Variants in FMNL2 observed in about 807,000 individuals in gnomAD.
FMNL2 encodes formin like 2, also known as formin-like protein 2.
In FMNL2, 51 loss-of-function variants were observed where a neutral mutation model predicts 130.2. The observed-to-expected ratio is 0.39, with a 90% CI of 0.31 to 0.49. The LOEUF is 0.49. Ranked by LOEUF, FMNL2 falls within the 20% of genes least tolerant of loss-of-function variation. The probability of loss-of-function intolerance (pLI) is 0.85; values close to 1 mark genes in which losing one functional copy is unlikely to be tolerated. For synonymous variants in FMNL2, 465 were observed against 467.1 expected, an observed-to-expected ratio of 1.00 and a Z score of 0.06; for missense variants, 977 against 1,316.2, an observed-to-expected ratio of 0.74 and a Z score of 3.99.
chr2:152,523,934 G>C (rs1336573795), intron 2 of FMNL2, among the ~76,000 whole-genome samples: 1 of 152,160 alleles, frequency 6.6e-6, no homozygotes, highest in African/African-American at 2.4e-5. Flanking sequence ...ACAGTGGAGA[G>C]GAAGCTTGCA....
rs778481687 is a variant in FMNL2, at chr2:152,607,411, A to G, written c.949A>G (p.Met317Val). The change falls in exon 10 of 26, where the codon ATG becomes GTG. Residue 317 changes from methionine (M) to valine (V), a missense_variant and splice_region_variant. Met to Val is a conservative substitution (Grantham distance 21). Transcript: ENST00000288670. ...FRNEDNNIDFMVASMQFINIV... is the reference protein window; with the variant it reads ...FRNEDNNIDFVVASMQFINIV... ...GAATGAAGACAATAACATAGATTTTATGGTGAGTTATTTCAGTATTCAATA... is the reference window on the plus strand; with the variant it reads ...GAATGAAGACAATAACATAGATTTTGTGGTGAGTTATTTCAGTATTCAATA... The G allele has an allele frequency of 3.1e-6, 5 of 1,610,424 alleles. No homozygotes were observed. The highest frequency in any genetic ancestry group is 1.3e-5 in the African/African-American group (1 of 74,782).
At chr2:152,534,981 G>A (rs1253227666) in intron 2 of FMNL2, among the ~76,000 whole-genome samples, 1 of 152,156 alleles carries the variant, frequency 6.6e-6, no homozygotes, top group Non-Finnish European at 1.5e-5. Flanking sequence ...TATGGCTGTG[G>A]AATGAATCTG....
chr2:152,368,787 A>G (rs1232438593), intron 1 of FMNL2, among the ~76,000 whole-genome samples: 1 of 152,166 alleles, frequency 6.6e-6, no homozygotes, highest in Non-Finnish European at 1.5e-5. Flanking sequence ...CTGCTTTACA[A>G]ATGTTTTGGT....
chr2:152,523,128 G>A (rs1693191302), intron 2 of FMNL2, among the ~76,000 whole-genome samples: 1 of 152,114 alleles, frequency 6.6e-6, no homozygotes, highest in Non-Finnish European at 1.5e-5. Flanking sequence ...CATGTTAACA[G>A]GAAAGGTACA....
At chr2:152,432,817 G>T (rs957104366) in intron 1 of FMNL2, among the ~76,000 whole-genome samples, 2 of 152,208 alleles carry the variant, frequency 1.3e-5, no homozygotes, top group African/African-American at 4.8e-5. Context: ...TGCAGTGTAG[G>T]ATAATACAGG....
intron 1 of FMNL2, among the ~76,000 whole-genome samples, chr2:152,344,439 A>C (rs1681994208): frequency 6.6e-6 from 1 of 152,258 alleles, no homozygotes; most frequent in Non-Finnish European, 1.5e-5. Context: ...AATTTTGGAT[A>C]GATTAGGCAA....
intron 1 of FMNL2, among the ~76,000 whole-genome samples, chr2:152,408,876 T>C (rs749277506): frequency 9.2e-5 from 14 of 152,216 alleles, no homozygotes; most frequent in Non-Finnish European, 1.6e-4. Flanking sequence ...TTTTGCACCA[T>C]TGTAAAATTG....
intron 1 of FMNL2, among the ~76,000 whole-genome samples, chr2:152,403,841 G>A (rs888074023): frequency 5.3e-5 from 8 of 152,196 alleles, no homozygotes; most frequent in African/African-American, 1.9e-4. Flanking sequence ...ATGCCAAGGT[G>A]GGTAGATCAT....
chr2:152,524,617 A>G (rs1343374827), intron 2 of FMNL2, among the ~76,000 whole-genome samples: 2 of 152,210 alleles, frequency 1.3e-5, no homozygotes, highest in Non-Finnish European at 2.9e-5. Flanking sequence ...TTTCTTTGAT[A>G]ACTGCAAATA....
chr2:152,476,861 G>A (rs1232619943), intron 1 of FMNL2, among the ~76,000 whole-genome samples: 2 of 152,016 alleles, frequency 1.3e-5, no homozygotes, highest in Admixed American at 6.6e-5. Context: ...TTTCTCAGAT[G>A]TGCAGTTCTC....
intron 1 of FMNL2, among the ~76,000 whole-genome samples, chr2:152,468,059 A>AAGGCAAATG (rs1689650276): frequency 1.3e-5 from 2 of 152,232 alleles, no homozygotes; most frequent in Admixed American, 1.3e-4. Context: ...CTAAGTTGCT[A>AAGGCAAATG]AGGCAAATGA....
intron 2 of FMNL2, among the ~76,000 whole-genome samples, chr2:152,528,045 C>A (rs958664316): frequency 6.6e-6 from 1 of 152,074 alleles, no homozygotes; most frequent in Non-Finnish European, 1.5e-5. Flanking sequence ...ATTTTCAAAT[C>A]AATTTTCATT....
intron 21 of FMNL2, among the ~76,000 whole-genome samples, chr2:152,633,809 A>G (rs1682354938): frequency 6.6e-6 from 1 of 152,192 alleles, no homozygotes; most frequent in Non-Finnish European, 1.5e-5. Context: ...GTTTGGTCCA[A>G]ATGGTGTCAT....
At chr2:152,607,208 G>A in intron 9 of FMNL2, 131 bp from the exon 10 acceptor site, 1 of 716,032 alleles carries the variant, frequency 1.4e-6, no homozygotes, top group Non-Finnish European at 2.4e-6. Flanking sequence ...AGCTTAGAAG[G>A]GAAGTAAATA....
chr2:152,547,934 G>C (rs1407423876), intron 3 of FMNL2, among the ~76,000 whole-genome samples: 3 of 152,154 alleles, frequency 2.0e-5, no homozygotes, highest in Non-Finnish European at 2.9e-5. Context: ...TTATATTTCT[G>C]TAGGAAAATG....
chr2:152,620,301 T>C (rs1408182135), intron 15 of FMNL2, among the ~76,000 whole-genome samples: 1 of 152,162 alleles, frequency 6.6e-6, no homozygotes, highest in Non-Finnish European at 1.5e-5. Flanking sequence ...CTTAAAATGC[T>C]GCCAAATAAT....
chr2:152,412,374 A>T (rs1333961067), intron 1 of FMNL2, among the ~76,000 whole-genome samples: 2 of 149,144 alleles, frequency 1.3e-5, no homozygotes, highest in Non-Finnish European at 3.0e-5. Flanking sequence ...AATGCCGTTT[A>T]GAGGGAATAT....
rs1008207692 is a variant in FMNL2, at chr2:152,592,117, A to G, written c.876+11068A>G. ...ACTTCGTCTCAAAAAAAAAGAAAAG[A>G]TAACTCATGATTTCCGTGCCACAGA... On this transcript the variant is annotated intron_variant, in intron 9 of 25. Coordinates refer to ENST00000288670, the MANE Select transcript of FMNL2 (RefSeq NM_052905.4). 1.3e-5 allele frequency among the ~76,000 whole-genome samples: 2 copies of G among 152,174 alleles called. 1 individual carries two copies. Among genetic ancestry groups the G allele is most frequent in the East Asian group, 3.9e-4 (2 of 5,186 alleles).
chr2:152,584,040 G>A (rs1295246383), intron 9 of FMNL2, among the ~76,000 whole-genome samples: 1 of 152,102 alleles, frequency 6.6e-6, no homozygotes, highest in African/African-American at 2.4e-5. Context: ...ATTCTGTGTT[G>A]ATCTTGCTTT....
Sources: allele counts gnomAD v4.1 joint callset (sites outside exome capture counted in the v4.1 genomes callset), GRCh38; gene constraint gnomAD v4.1.1; transcripts MANE v1.5; gene names NCBI Gene and HGNC (gene_info 2026-07-23, HGNC 2026-07-21).